Variants in CPA6 observed in about 807,000 individuals in gnomAD.
The protein encoded by CPA6 is carboxypeptidase A6, also known as carboxypeptidase B.
Under a neutral mutation model 63.3 loss-of-function variants are expected in CPA6, and 58 were observed. The observed-to-expected ratio is 0.92, with a 90% CI of 0.74 to 1.14. The LOEUF is 1.14. Among genes scored for constraint, CPA6 ranks in the 50% most tolerant of loss-of-function variants. The pLI is 0.00. For synonymous variants in CPA6, 185 were observed against 179.0 expected (o/e 1.03, Z -0.27); for missense variants, 565 against 526.6 (o/e 1.07, Z -0.71).
At chr8:67,654,208 T>A (rs987920661) in intron 1 of CPA6, among the ~76,000 whole-genome samples, 6 of 152,218 alleles carry the variant, frequency 3.9e-5, no homozygotes, top group Non-Finnish European at 7.3e-5. Flanking sequence ...ATTCTCTTTT[T>A]TGGTTGTGTC....
intron 8 of CPA6, among the ~76,000 whole-genome samples, chr8:67,461,689 G>A (rs917938806): frequency 6.6e-6 from 1 of 151,966 alleles, no homozygotes; most frequent in Non-Finnish European, 1.5e-5. Context: ...CCGGGCAGGG[G>A]GCTGACCCCC....
chr8:67,668,854 G>A (rs1301329282), intron 1 of CPA6, among the ~76,000 whole-genome samples: 1 of 152,200 alleles, frequency 6.6e-6, no homozygotes, highest in East Asian at 1.9e-4. Flanking sequence ...TACCATGACA[G>A]CAAAGGAGAG....
chr8:67,634,031 T>C (rs1172805184), intron 1 of CPA6, among the ~76,000 whole-genome samples: 1 of 146,704 alleles, frequency 6.8e-6, no homozygotes, highest in African/African-American at 2.7e-5. Flanking sequence ...AATCCAAGAA[T>C]GTGACTGCAT....
intron 1 of CPA6, among the ~76,000 whole-genome samples, chr8:67,641,560 G>A (rs1815592189): frequency 6.6e-6 from 1 of 152,176 alleles, no homozygotes; most frequent in Non-Finnish European, 1.5e-5. Context: ...GTGTAACAAA[G>A]GTATAAGCTA....
chr8:67,429,339 T>A (rs945942911), intron 9 of CPA6, among the ~76,000 whole-genome samples: 1 of 152,186 alleles, frequency 6.6e-6, no homozygotes, highest in Non-Finnish European at 1.5e-5. Flanking sequence ...AAGTATTACA[T>A]GACAAATGAG....
chr8:67,561,425 A>G (rs1813210423), intron 2 of CPA6, among the ~76,000 whole-genome samples: 1 of 152,198 alleles, frequency 6.6e-6, no homozygotes, highest in Non-Finnish European at 1.5e-5. Context: ...TACGATGAAA[A>G]CATAGCATGA....
chr8:67,596,037 C>A (rs185308232), intron 2 of CPA6, among the ~76,000 whole-genome samples: 93 of 152,342 alleles, frequency 6.1e-4, no homozygotes, highest in African/African-American at 1.9e-3. Context: ...CTCCTCCCCC[C>A]AGTGTTGATT....
At chr8:67,652,669 T>C (rs1211344375) in intron 1 of CPA6, among the ~76,000 whole-genome samples, 9 of 150,146 alleles carry the variant, frequency 6.0e-5, no homozygotes, top group African/African-American at 7.3e-5. Context: ...GTTGCGAAAA[T>C]TTTCTCCCAT....
intron 1 of CPA6, among the ~76,000 whole-genome samples, chr8:67,650,227 A>C (rs574551982): frequency 1.3e-5 from 2 of 152,316 alleles, no homozygotes; most frequent in Non-Finnish European, 2.9e-5. Context: ...ATGATTGTGC[A>C]ATCATATCAA....
chr8:67,742,096 G>A (rs1208786723), intron 1 of CPA6, among the ~76,000 whole-genome samples: 3 of 151,778 alleles, frequency 2.0e-5, no homozygotes, highest in East Asian at 2.0e-4. Flanking sequence ...ATGAACAAAG[G>A]CACACAATCA....
rs150397791 is a variant in CPA6 at position 67,431,109 on chromosome 8, C to T, written c.1041+2929G>A. ...GAACTCCTGGGCCCAAGCAATCCTC[C>T]AGCCTGGGCCTCCCAAAGTGCTGGG... On this transcript the variant is annotated intron_variant, in intron 9 of 10. Transcript: ENST00000297770. Among the ~76,000 whole-genome samples, 184 of 152,276 alleles carry T rather than the reference C, an allele frequency of 1.2e-3. 1 individual carries two copies. The highest frequency in any genetic ancestry group is 4.2e-3 in the African/African-American group (175 of 41,548).
chr8:67,639,889 T>C (rs1392191166), intron 1 of CPA6, among the ~76,000 whole-genome samples: 12 of 151,318 alleles, frequency 7.9e-5, no homozygotes, highest in Admixed American at 7.9e-4. Context: ...TAGTGGGTAG[T>C]TCCTCTCTAT....
intron 2 of CPA6, among the ~76,000 whole-genome samples, chr8:67,543,237 C>T (rs1269315580): frequency 2.6e-5 from 4 of 152,192 alleles, no homozygotes; most frequent in Non-Finnish European, 4.4e-5. Flanking sequence ...AAATGATTGT[C>T]TATCTTCATG....
At chr8:67,710,422 C>T (rs1158321219) in intron 1 of CPA6, among the ~76,000 whole-genome samples, 1 of 150,178 alleles carries the variant, frequency 6.7e-6, no homozygotes, top group Non-Finnish European at 1.5e-5. Flanking sequence ...CAACCCCCCA[C>T]CCCGAAAGAT....
At chr8:67,595,986 G>T (rs1469943314) in intron 2 of CPA6, among the ~76,000 whole-genome samples, 1 of 152,230 alleles carries the variant, frequency 6.6e-6, no homozygotes, top group African/African-American at 2.4e-5. Context: ...CGCTCACGCT[G>T]GGAGCTGTAG....
At chr8:67,611,446 C>A (rs111924560) in intron 2 of CPA6, among the ~76,000 whole-genome samples, 1 of 152,232 alleles carries the variant, frequency 6.6e-6, no homozygotes, top group South Asian at 2.1e-4. Context: ...ACAACGAGAA[C>A]CTTATTTTAT....
At chr8:67,618,668 T>A (rs531360014) in intron 2 of CPA6, among the ~76,000 whole-genome samples, 141 of 152,172 alleles carry the variant, frequency 9.3e-4, no homozygotes, top group Non-Finnish European at 1.7e-3. Flanking sequence ...CAGTTTCCTA[T>A]CCTACAGCTC....
chr8:67,699,981 G>A (rs145111485), intron 1 of CPA6, among the ~76,000 whole-genome samples: 40 of 152,232 alleles, frequency 2.6e-4, no homozygotes, highest in African/African-American at 8.9e-4. Flanking sequence ...TTCCACTTGG[G>A]GGAAACAGTT....
At chr8:67,494,603 A>T (rs558367003) in intron 6 of CPA6, among the ~76,000 whole-genome samples, 53 of 152,312 alleles carry the variant, frequency 3.5e-4, no homozygotes, top group African/African-American at 1.2e-3. Context: ...AATGAAGCAA[A>T]TGCTATTCCA....
Sources: allele counts gnomAD v4.1 joint callset (sites outside exome capture counted in the v4.1 genomes callset), GRCh38; gene constraint gnomAD v4.1.1; transcripts MANE v1.5; gene names NCBI Gene and HGNC (gene_info 2026-07-23, HGNC 2026-07-21).